Variants in IPO11 observed in about 807,000 individuals in gnomAD.
IPO11 encodes the protein importin-11.
A neutral mutation model predicts 143.2 loss-of-function variants in IPO11; 66 were observed. That is an observed-to-expected ratio of 0.46 (90% CI 0.38 to 0.57). The LOEUF (loss-of-function observed/expected upper bound fraction) is 0.57. IPO11 is among the 20% of genes least tolerant of loss of function. The pLI is 0.00. For synonymous variants in IPO11, 385 were observed against 377.8 expected, an observed-to-expected ratio of 1.02 and a Z score of -0.22; for missense variants, 1,026 against 1,141.0, an observed-to-expected ratio of 0.90 and a Z score of 1.45.
At chr5:62,487,419 C>T (rs1746449436) in intron 12 of IPO11, among the ~76,000 whole-genome samples, 2 of 151,946 alleles carry the variant, frequency 1.3e-5, no homozygotes, top group South Asian at 4.2e-4. Flanking sequence ...CTTGGGTAGT[C>T]AGCCATTTAT....
intron 5 of IPO11, among the ~76,000 whole-genome samples, chr5:62,460,188 C>G (rs1016718611): frequency 6.6e-6 from 1 of 152,018 alleles, no homozygotes; most frequent in African/African-American, 2.4e-5. Context: ...ATACTTTTAT[C>G]CAGTTTTCTA....
At chr5:62,426,093 T>A (rs1240265068) in intron 1 of IPO11, among the ~76,000 whole-genome samples, 3 of 152,076 alleles carry the variant, frequency 2.0e-5, no homozygotes, top group Non-Finnish European at 4.4e-5. Context: ...TATGACAAAA[T>A]TGTTGCTTAC....
chr5:62,620,353 C>G (rs1027295289), intron 29 of IPO11, among the ~76,000 whole-genome samples: 1 of 151,702 alleles, frequency 6.6e-6, no homozygotes, highest in African/African-American at 2.4e-5. Context: ...CCCCATCTCT[C>G]CTAAAAATAC....
At chr5:62,513,177 C>G (rs1164235242) in intron 19 of IPO11, among the ~76,000 whole-genome samples, 18 of 151,642 alleles carry the variant, frequency 1.2e-4, no homozygotes, top group Admixed American at 1.2e-3. Context: ...AGAGGCGCCC[C>G]TCAGCTCCCG....
At chr5:62,447,898 A>G (rs1744776038) in intron 3 of IPO11, among the ~76,000 whole-genome samples, 1 of 152,058 alleles carries the variant, frequency 6.6e-6, no homozygotes, top group Admixed American at 6.6e-5. Flanking sequence ...TATTTTTAGT[A>G]GAGACAGGGT....
At chr5:62,482,748 A>G (rs1444907468) in intron 9 of IPO11, among the ~76,000 whole-genome samples, 2 of 152,158 alleles carry the variant, frequency 1.3e-5, no homozygotes, top group Admixed American at 1.3e-4. Context: ...GAAAGGGAAG[A>G]TAATATTTAA....
intron 27 of IPO11, among the ~76,000 whole-genome samples, chr5:62,574,899 G>A (rs1374612789): frequency 6.6e-6 from 1 of 152,132 alleles, no homozygotes; most frequent in Non-Finnish European, 1.5e-5. Context: ...TTTTAAAGCC[G>A]CATAGTCACA....
chr5:62,578,597 A>G (rs1354219661), intron 27 of IPO11: 5 of 405,462 alleles, frequency 1.2e-5, no homozygotes, highest in Middle Eastern at 3.9e-4. Flanking sequence ...AGATATTTCA[A>G]TGTGTATATT....
intron 7 of IPO11, among the ~76,000 whole-genome samples, chr5:62,472,523 A>T (rs78956160): frequency 2.7e-5 from 4 of 150,270 alleles, no homozygotes; most frequent in Non-Finnish European, 4.4e-5. Flanking sequence ...CAAATAATAT[A>T]AAAATCTTTT....
At chr5:62,465,974 T>TTA (rs1745561349) in intron 5 of IPO11, among the ~76,000 whole-genome samples, 1 of 152,216 alleles carries the variant, frequency 6.6e-6, no homozygotes, top group Non-Finnish European at 1.5e-5. Flanking sequence ...CTCAGTAGTT[T>TTA]TATATTCTGC....
chr5:62,550,262 A>G, intron 24 of IPO11, 105 bp from the exon 25 acceptor site: 1 of 758,360 alleles, frequency 1.3e-6, no homozygotes, highest in Non-Finnish European at 2.2e-6. Context: ...ATGCATTCTT[A>G]AATTTGGTCT....
chr5:62,509,673 G>A (rs1177902101), intron 19 of IPO11, among the ~76,000 whole-genome samples: 4 of 152,008 alleles, frequency 2.6e-5, no homozygotes, highest in Non-Finnish European at 5.9e-5. Flanking sequence ...TTAGTCCCTG[G>A]CAACCACTGT....
At chr5:62,447,165 A>G (rs116338201) in intron 3 of IPO11, among the ~76,000 whole-genome samples, 6,631 of 151,900 alleles carry the variant, frequency 0.044, 200 homozygotes, top group Non-Finnish European at 0.066. Flanking sequence ...GAGTGCAGTG[A>G]TGCAATCATA....
intron 22 of IPO11, among the ~76,000 whole-genome samples, chr5:62,535,100 G>C (rs1742692037): frequency 6.6e-6 from 1 of 151,456 alleles, no homozygotes; most frequent in African/African-American, 2.4e-5. Context: ...GCCATCCTGG[G>C]CATGGCAGAG....
intron 2 of IPO11, among the ~76,000 whole-genome samples, chr5:62,438,625 G>A (rs1293580547): frequency 1.3e-5 from 2 of 152,088 alleles, no homozygotes; most frequent in Non-Finnish European, 2.9e-5. Context: ...GGTGGCGCAC[G>A]CCTGTAGTCG....
chr5:62,484,019 C>T lies in IPO11; in HGVS notation c.1031C>T (p.Pro344Leu), dbSNP rs1437847004. Residue 344 changes from proline to leucine, a missense_variant, in exon 11 of 30, where the codon CCT (proline) becomes CTT (leucine). Transcript: ENST00000325324. ...AATTTCATTTTTCTAGATAGCAGCC[C>T]TGAAACTCTTGAAGCCCATAAGATT... ...KPSKNFEDSS[P>L]ETLEAHKIKM... The T allele has an allele frequency of 4.4e-6, 7 of 1,602,322 alleles. No individual in the cohort carries two copies. Among genetic ancestry groups the T allele is most frequent in the Admixed American group, 1.7e-5 (1 of 57,550 alleles).
At chr5:62,520,895 T>C (rs1490279020) in intron 20 of IPO11, among the ~76,000 whole-genome samples, 1 of 152,210 alleles carries the variant, frequency 6.6e-6, no homozygotes, top group Admixed American at 6.5e-5. Flanking sequence ...GGCCAAATGG[T>C]ATTTCTAGTT....
intron 1 of IPO11, among the ~76,000 whole-genome samples, chr5:62,435,563 C>T (rs1014695479): frequency 2.6e-5 from 4 of 152,136 alleles, no homozygotes; most frequent in African/African-American, 9.6e-5. Context: ...GTGTTACAGC[C>T]TGGGTGACAG....
At chr5:62,485,965 TTTTTTCTTTTTTC>T (rs926781459) in intron 12 of IPO11, among the ~76,000 whole-genome samples, 4 of 151,096 alleles carry the variant, frequency 2.6e-5, no homozygotes, top group South Asian at 2.1e-4. Context: ...AATCTGAGTT[TTTTTTCTTTTTTC>T]TTTTTCTTTT....
Sources: allele counts gnomAD v4.1 joint callset (sites outside exome capture counted in the v4.1 genomes callset), GRCh38; gene constraint gnomAD v4.1.1; transcripts MANE v1.5; gene names NCBI Gene and HGNC (gene_info 2026-07-23, HGNC 2026-07-21).